The following CLNK variants were observed in gnomAD, a reference collection of about 807,000 sequenced individuals.
CLNK encodes cytokine dependent hematopoietic cell linker.
CLNK carries 74 observed loss-of-function variants against 68.6 expected under a neutral mutation model. The observed-to-expected ratio is 1.08, with a 90% CI of 0.89 to 1.31. The LOEUF is 1.31. Ranked by LOEUF, CLNK falls within the 50% of genes most tolerant of loss-of-function variation. CLNK has a pLI of 0.00. For synonymous variants in CLNK, 198 were observed against 172.2 expected (o/e 1.15, Z -1.17); for missense variants, 553 against 515.3 (o/e 1.07, Z -0.71).
chr4:10,579,403 A>C (rs1250549760), intron 4 of CLNK, among the ~76,000 whole-genome samples: 1 of 152,108 alleles, frequency 6.6e-6, no homozygotes, highest in African/African-American at 2.4e-5. Context: ...AATGAGAGAG[A>C]GAGAGATAGA....
intron 4 of CLNK, among the ~76,000 whole-genome samples, chr4:10,573,363 G>A (rs953081201): frequency 3.3e-5 from 5 of 152,100 alleles, no homozygotes. Flanking sequence ...GAGCTGGGAG[G>A]AACAGAATCC....
intron 2 of CLNK, among the ~76,000 whole-genome samples, chr4:10,616,778 A>ATGTGTG (rs62931362): frequency 6.9e-6 from 1 of 144,624 alleles, no homozygotes; most frequent in African/African-American, 2.6e-5. Flanking sequence ...GTGTGTATAT[A>ATGTGTG]TGTGTGTGTG....
intron 2 of CLNK, among the ~76,000 whole-genome samples, chr4:10,611,655 C>T (rs1215660419): frequency 6.6e-6 from 1 of 152,032 alleles, no homozygotes; most frequent in Non-Finnish European, 1.5e-5. Context: ...CCAGCAGGTC[C>T]ACAAAAAAGA....
intron 18 of CLNK, among the ~76,000 whole-genome samples, chr4:10,492,725 G>A (rs569364306): frequency 6.6e-6 from 1 of 152,182 alleles, no homozygotes; most frequent in African/African-American, 2.4e-5. Flanking sequence ...GGGAGGGGGT[G>A]TGTGAAGAGC....
chr4:10,669,758 C>G (rs1022927472), intron 1 of CLNK, among the ~76,000 whole-genome samples: 1 of 152,180 alleles, frequency 6.6e-6, no homozygotes, highest in African/African-American at 2.4e-5. Flanking sequence ...ACCCACCAGC[C>G]TCATCCCCTC....
intron 16 of CLNK, 21 bp from the exon 17 acceptor site, chr4:10,508,057 T>C (rs1318879446): frequency 3.2e-6 from 5 of 1,583,338 alleles, no homozygotes; most frequent in Non-Finnish European, 4.3e-6. Flanking sequence ...GAATCAATGA[T>C]AAATATTTTA....
chr4:10,642,718 G>A (rs1723359052), intron 2 of CLNK, among the ~76,000 whole-genome samples: 1 of 152,172 alleles, frequency 6.6e-6, no homozygotes, highest in Non-Finnish European at 1.5e-5. Flanking sequence ...AACTCACTGG[G>A]TGCACTGTCA....
At position 10,677,179 on chromosome 4, in the gene CLNK, A is replaced by G. The variant is rs561833874; in HGVS notation, c.-43+7489T>C. On this transcript the variant is annotated intron_variant, in intron 1 of 18. Transcript: ENST00000226951. ...AATAAACTAAGATTTAGGGATTGCT[A>G]TATATTTACCACCATTTACAGGTTG... Among the ~76,000 whole-genome samples, 13 of 152,258 alleles carry G rather than the reference A, an allele frequency of 8.5e-5. No homozygotes were observed. The South Asian group carries it at 2.7e-3, about 32-fold the overall frequency.
chr4:10,607,431 C>T (rs1258122564), intron 2 of CLNK, among the ~76,000 whole-genome samples: 2 of 152,194 alleles, frequency 1.3e-5, no homozygotes, highest in African/African-American at 4.8e-5. Context: ...GCCTTGCTAT[C>T]TTGCAGGAAG....
At chr4:10,700,750 C>G in the CLNK span, among the ~76,000 whole-genome samples, 1 of 152,014 alleles carries the variant, frequency 6.6e-6, no homozygotes. Context: ...GGGAAAATTA[C>G]CTATAAAAAT....
rs369737245 is a variant in CLNK at position 10,615,757 on chromosome 4, A to C, written c.12-17708T>G. Among the ~76,000 whole-genome samples, 7 of 152,346 alleles carry C rather than the reference A, an allele frequency of 4.6e-5. No homozygotes were observed. In the East Asian group the frequency reaches 9.7e-4, roughly 21 times the overall value. ...TGAAGGTAAAATAACCTTGATTTACAAATAATGAAATGACTCTCTAAGGTC... is the reference window on the plus strand; with the variant it reads ...TGAAGGTAAAATAACCTTGATTTACCAATAATGAAATGACTCTCTAAGGTC... On this transcript the variant is annotated intron_variant, in intron 2 of 18. Coordinates refer to ENST00000226951, the MANE Select transcript of CLNK (RefSeq NM_052964.4).
chr4:10,550,139 G>A (rs756199615), intron 8 of CLNK, among the ~76,000 whole-genome samples: 1 of 152,200 alleles, frequency 6.6e-6, no homozygotes, highest in East Asian at 1.9e-4. Flanking sequence ...AGCTTGCAAT[G>A]GATGGTTGTT....
chr4:10,514,043 A>G (rs1405244921), intron 15 of CLNK, among the ~76,000 whole-genome samples: 3 of 118,690 alleles, frequency 2.5e-5, no homozygotes, highest in South Asian at 3.0e-4. Flanking sequence ...AGAGTGTGAT[A>G]TTCCCCTTCC....
rs1716477045 is a variant in CLNK at position 10,489,520 on chromosome 4, A to G, written c.*947T>C. The stretch of plus-strand genomic sequence containing the variant: ...GCAGATGATGCTGGAGGCTGGTCCC[A>G]TGACCGTTTCACACCCTAGTCAGAG... On this transcript the variant is annotated 3_prime_UTR_variant, in exon 19 of 19. Coordinates refer to ENST00000226951, the MANE Select transcript of CLNK (RefSeq NM_052964.4). 1 of 152,174 alleles carries G rather than the reference A, an allele frequency of 6.6e-6. No homozygotes were observed. The highest frequency in any genetic ancestry group is 2.4e-5 in the African/African-American group (1 of 41,432). 9.4% of individuals were successfully genotyped at this position (152,174 alleles called of 1,614,324 possible).
chr4:10,531,649 C>T (rs1179406667), intron 12 of CLNK: 9 of 435,298 alleles, frequency 2.1e-5, no homozygotes, highest in African/African-American at 1.8e-4. Context: ...TCATGTTGGT[C>T]AGGCTGATCT....
At chr4:10,580,092 C>A (rs1159294646) in intron 4 of CLNK, among the ~76,000 whole-genome samples, 1 of 152,220 alleles carries the variant, frequency 6.6e-6, no homozygotes, top group Non-Finnish European at 1.5e-5. Context: ...AACCACCCCA[C>A]ATGTGTCCAT....
chr4:10,516,546 T>G (rs914756821), intron 15 of CLNK, among the ~76,000 whole-genome samples: 16 of 111,482 alleles, frequency 1.4e-4, no homozygotes, highest in African/African-American at 4.9e-4. Context: ...GACCAAGGAT[T>G]GTAGCTTTTT....
At chr4:10,707,998 C>A in the CLNK span, among the ~76,000 whole-genome samples, 6 of 152,230 alleles carry the variant, frequency 3.9e-5, no homozygotes, top group East Asian at 9.6e-4. Context: ...TTGCACTGAG[C>A]GCTGAAAGCA....
At chr4:10,692,835 T>C in the CLNK span, among the ~76,000 whole-genome samples, 1 of 152,186 alleles carries the variant, frequency 6.6e-6, no homozygotes, top group African/African-American at 2.4e-5. Flanking sequence ...CTCAGCCTTG[T>C]AGATTAGCAG....
Sources: gnomAD v4.1 joint callset for allele counts (sites outside exome capture counted in the v4.1 genomes callset) on GRCh38, gnomAD v4.1.1 for gene constraint, MANE v1.5 for transcripts, NCBI Gene and HGNC (gene_info 2026-07-23, HGNC 2026-07-21) for gene names.